The following RNF40 variants were observed in gnomAD, a reference collection of about 807,000 sequenced individuals.
The protein encoded by RNF40 is E3 ubiquitin-protein ligase BRE1B.
Under a neutral mutation model 123.3 loss-of-function variants are expected in RNF40, and 39 were observed. The observed-to-expected ratio is 0.32, with a 90% CI of 0.24 to 0.41. RNF40 has a LOEUF of 0.41. Ranked by LOEUF, RNF40 falls within the 10% of genes least tolerant of loss-of-function variation. The pLI is 1.00. For missense variants in RNF40, 1,003 were observed against 1,319.9 expected, an observed-to-expected ratio of 0.76 and a Z score of 3.72; for synonymous variants, 538 against 526.0, an observed-to-expected ratio of 1.02 and a Z score of -0.31.
chr16:30,762,032 C>G (rs1567276991), upstream of RNF40: 1 of 491,020 alleles, frequency 2.0e-6, no homozygotes, highest in Non-Finnish European at 3.6e-6. Context: ...GAGTGCCCAC[C>G]TGGGCGCCCT....
At chr16:30,767,076 C>A (rs1271206431) in intron 11 of RNF40, among the ~76,000 whole-genome samples, 200 bp downstream of exon 11, 5 of 152,290 alleles carry the variant, frequency 3.3e-5, no homozygotes, top group Admixed American at 1.3e-4. Context: ...ATGGAGCAGG[C>A]ACATGCAGAG....
In RNF40 at chr16:30,768,543, T is replaced by G. The variant is rs558666468; in HGVS notation, c.1979+13T>G. The G allele has an allele frequency of 7.1e-5, 115 of 1,613,270 alleles. 3 individuals are homozygous for G. The South Asian group carries it at 1.0e-3, about 14-fold the overall frequency. ...GAGCAGAGCTCAAGTGAGGCTCTGT[T>G]CCTGTCTCCTTCCTGACCCTGCCAG... On this transcript the variant is annotated intron_variant, in intron 13 of 19. Coordinates refer to ENST00000324685, the MANE Select transcript of RNF40 (RefSeq NM_014771.4). The surrounding 1 kb of genome is among the most constrained non-coding windows in gnomAD (Gnocchi z 4.1).
chr16:30,762,829 C>A, intron 2 of RNF40, 152 bp downstream of exon 2: 2 of 1,012,388 alleles, frequency 2.0e-6, no homozygotes, highest in South Asian at 1.5e-5. Context: ...AAGCTCAGAA[C>A]ACGACGCCTG....
At chr16:30,763,074 G>A (rs374070115) in intron 2 of RNF40, 44 bp from the exon 3 acceptor site, 66 of 1,608,194 alleles carry the variant, frequency 4.1e-5, no homozygotes, top group Non-Finnish European at 5.2e-5. Flanking sequence ...TGGTTTGTGG[G>A]CCCTGCTTGA....
chr16:30,773,854 C>T, intron 19 of RNF40, 84 bp from the exon 20 acceptor site: 1 of 1,406,882 alleles, frequency 7.1e-7, no homozygotes, highest in Admixed American at 1.9e-5. Context: ...GTGTGGTGGG[C>T]TTGGCCTGGA....
At chr16:30,763,844 C>T (rs1481961196) in intron 4 of RNF40, among the ~76,000 whole-genome samples, 1 of 152,070 alleles carries the variant, frequency 6.6e-6, no homozygotes, top group Non-Finnish European at 1.5e-5. Flanking sequence ...GTTGCACTTG[C>T]TATAAGGGAG....
At position 30,768,462 on chromosome 16, in the gene RNF40, G is replaced by C. The variant is rs1235073662; in HGVS notation, c.1911G>C (p.Glu637Asp). The change falls in exon 13 of 20, where the codon GAG (glutamate) becomes GAC (aspartate). Residue 637 changes from glutamate (E) to aspartate (D), a missense_variant. Coordinates refer to ENST00000324685, the MANE Select transcript of RNF40 (RefSeq NM_014771.4). This position sits in a 1 kb window ranked among gnomAD's most constrained non-coding sequence, Gnocchi z 4.1. The stretch of plus-strand genomic sequence containing the variant: ...CCGCTCTCTCAAGGGCTGATCGGGA[G>C]AAGGCCAAGGTGGAAGAAACCAAGC... ...VASALSRADR[E>D]KAKVEETKRK... The C allele has an allele frequency of 6.2e-7, 1 of 1,612,100 alleles. No homozygotes were observed. Among genetic ancestry groups the C allele is most frequent in the Admixed American group, 1.7e-5 (1 of 59,770 alleles).
Position 30,766,397 on chromosome 16 carries a change from C to G in RNF40, c.1132C>G (p.Pro378Ala). Residue 378 changes from proline (P) to alanine (A), a missense_variant, in exon 10 of 20, where the codon CCT (proline) becomes GCT (alanine). By Grantham distance (27) the Pro-to-Ala change is conservative. Transcript: ENST00000324685. The surrounding 1 kb of genome is among the most constrained non-coding windows in gnomAD (Gnocchi z 5.4). ...GCCCCAGGTGGCCCTGCGGAGCCTT[C>G]CTGAGGAGGTAGTGCGGGAGACGGG... The part of the protein sequence containing the change: ...ERLKVALRSL[P>A]EEVVRETGEY... 6.2e-7 allele frequency: 1 copy of G among 1,613,548 alleles called. No homozygotes were observed. The highest frequency in any genetic ancestry group is 8.5e-7 in the Non-Finnish European group (1 of 1,179,660).
chr16:30,770,746 C>G (rs1000334876), intron 17 of RNF40, among the ~76,000 whole-genome samples: 3 of 152,042 alleles, frequency 2.0e-5, no homozygotes, highest in African/African-American at 7.3e-5. Context: ...GAGTCTAGCT[C>G]TGTTGCCCAG....
In RNF40 at chr16:30,768,360, C is replaced by T; in HGVS notation, c.1809C>T (p.Gly603=). ...TPGAQGPSSR[G]REPEARPKRE... ...GGGCCCAGGGCCCTTCCTCCCGGGG[C>T]CGAGAACCTGAGGCCAGGCCCAAGC... Residue 603 remains glycine, a synonymous_variant, in exon 13 of 20, where the codon GGC becomes GGT. Transcript: ENST00000324685. The surrounding 1 kb of genome is among the most constrained non-coding windows in gnomAD (Gnocchi z 4.1). The T allele has an allele frequency of 1.9e-6, 3 of 1,613,228 alleles. No individual in the cohort carries two copies. The highest frequency in any genetic ancestry group is 2.5e-6 in the Non-Finnish European group (3 of 1,179,682).
intron 5 of RNF40, among the ~76,000 whole-genome samples, chr16:30,764,636 C>T (rs1451818184): frequency 1.3e-5 from 2 of 152,170 alleles, no homozygotes; most frequent in African/African-American, 2.4e-5. Context: ...AGAGGCCCCT[C>T]TGGAGCACTT....
intron 1 of RNF40, 35 bp downstream of exon 1, chr16:30,762,395 G>C (rs544241817): frequency 2.6e-6 from 2 of 777,366 alleles, no homozygotes; most frequent in South Asian, 2.3e-5. Flanking sequence ...ACGGGATCCA[G>C]CAGGTGTGTG....
At chr16:30,761,899 G>C, upstream of RNF40, 1 of 761,324 alleles carries the variant, frequency 1.3e-6, no homozygotes, top group Non-Finnish European at 2.0e-6. Context: ...GCGAATCCGT[G>C]GGGGCGTCTC....
In RNF40 at chr16:30,774,863, TG is replaced by T. The variant is rs138074304; in HGVS notation, c.*752del. The T allele has an allele frequency of 4.7e-3, 2,054 of 435,452 alleles. 35 individuals are homozygous for T. The highest frequency in any genetic ancestry group is 0.037 in the African/African-American group (1,862 of 49,808). 27.0% of individuals were successfully genotyped at this position (435,452 alleles called of 1,614,324 possible). ...CACCTCATGCATCCCAAGGCTCTACTGGGTCCCTGGACCTAACCCTGCTTTC... is the reference window on the plus strand; with the variant it reads ...CACCTCATGCATCCCAAGGCTCTACTGGTCCCTGGACCTAACCCTGCTTTC... On this transcript the variant is annotated 3_prime_UTR_variant, in exon 20 of 20. Coordinates refer to ENST00000324685, the MANE Select transcript of RNF40 (RefSeq NM_014771.4).
In RNF40 at chr16:30,774,125, CAG is replaced by C. The variant is rs1236518331; in HGVS notation, c.*12_*13del. 6.2e-6 allele frequency: 10 copies of C among 1,608,738 alleles called. No individual in the cohort carries two copies. Among genetic ancestry groups the C allele is most frequent in the Non-Finnish European group, 8.5e-6 (10 of 1,176,380 alleles). On this transcript the variant is annotated 3_prime_UTR_variant, in exon 20 of 20. Coordinates refer to ENST00000324685, the MANE Select transcript of RNF40 (RefSeq NM_014771.4). ...ATCTACATCAGCTGAACCTGAAACT[CAG>C]GGGACTCTGGAACACCATGGACCCT...
Position 30,765,045 on chromosome 16 carries a change from C to G in RNF40, c.757C>G (p.Arg253Gly). The stretch of plus-strand genomic sequence containing the variant: ...CACTCAGCTGCAGGAGAAACACCAC[C>G]GCATCTCATTGGAGGTGAGGAGCCG... ...LATQLQEKHHRISLEYSELQD... is the reference protein window; with the variant it reads ...LATQLQEKHHGISLEYSELQD... The change falls in exon 6 of 20, where the codon CGC becomes GGC. Residue 253 changes from arginine (R) to glycine (G), a missense_variant. By Grantham distance (125) the Arg-to-Gly change is moderately radical (BLOSUM62 -2). Transcript: ENST00000324685. 3 of 1,614,042 alleles carry G rather than the reference C, an allele frequency of 1.9e-6. No individual in the cohort carries two copies. The highest frequency in any genetic ancestry group is 2.5e-6 in the Non-Finnish European group (3 of 1,179,978).
chr16:30,767,694 A>T, intron 11 of RNF40, 200 bp from the exon 12 acceptor site: 1 of 582,184 alleles, frequency 1.7e-6, no homozygotes, highest in South Asian at 2.5e-5. Context: ...AAATCGTATG[A>T]ATAGGCAGTG....
rs1045888001 is a variant in RNF40 at position 30,774,567 on chromosome 16, C to T, written c.*453C>T. The T allele has an allele frequency of 4.4e-6, 1 of 224,828 alleles. No individual in the cohort carries two copies. The highest frequency in any genetic ancestry group is 9.0e-6 in the Non-Finnish European group (1 of 111,150). 13.9% of individuals were successfully genotyped at this position (224,828 alleles called of 1,614,324 possible). A position where few individuals can be genotyped will look rare whatever the true frequency, so the allele number is the denominator to read the frequency against. The stretch of plus-strand genomic sequence containing the variant: ...CCTTGTTTGAGACTGGGCTGCAGGC[C>T]CCAGGAAGACTTTCCTTCACCCACC... On this transcript the variant is annotated 3_prime_UTR_variant, in exon 20 of 20. Coordinates refer to ENST00000324685, the MANE Select transcript of RNF40 (RefSeq NM_014771.4).
At chr16:30,770,266 C>T (rs149595504) in intron 17 of RNF40, among the ~76,000 whole-genome samples, 3 of 151,818 alleles carry the variant, frequency 2.0e-5, no homozygotes, top group Admixed American at 6.6e-5. Flanking sequence ...CACCACCACG[C>T]CTGGCTAATT....
Sources: gnomAD v4.1 joint callset for allele counts (sites outside exome capture counted in the v4.1 genomes callset) on GRCh38, gnomAD v4.1.1 for gene constraint, Gnocchi (gnomAD v3.1) non-coding constraint, MANE v1.5 for transcripts, NCBI Gene and HGNC (gene_info 2026-07-23, HGNC 2026-07-21) for gene names.